P4HA1: variants seen among roughly 807,000 people sequenced by gnomAD.
The protein encoded by P4HA1 is prolyl 4-hydroxylase subunit alpha 1.
A neutral mutation model predicts 72.8 loss-of-function variants in P4HA1; 24 were observed. The observed-to-expected ratio is 0.33, with a 90% CI of 0.24 to 0.46. The LOEUF (loss-of-function observed/expected upper bound fraction) is 0.46. Ranked by LOEUF, P4HA1 falls within the 20% of genes least tolerant of loss-of-function variation. The pLI is 1.00. For missense variants in P4HA1, 446 were observed against 640.6 expected (o/e 0.70, Z 3.28); for synonymous variants, 201 against 218.8 (o/e 0.92, Z 0.72).
intron 2 of P4HA1, 171 bp from the exon 3 acceptor site, chr10:73,073,998 A>T (rs1841631155): frequency 1.7e-6 from 1 of 594,824 alleles, no homozygotes. Flanking sequence ...TAAAGCCAAA[A>T]ACTTTTCTAA....
intron 5 of P4HA1, among the ~76,000 whole-genome samples, chr10:73,064,344 A>T (rs1400591251): frequency 6.6e-6 from 1 of 152,048 alleles, no homozygotes; most frequent in Non-Finnish European, 1.5e-5. Context: ...TTGTGGTGGC[A>T]CATGCCTGTA....
At chr10:73,023,246 G>A (rs182273014) in intron 10 of P4HA1, among the ~76,000 whole-genome samples, 17 of 152,314 alleles carry the variant, frequency 1.1e-4, no homozygotes, top group African/African-American at 3.9e-4. Flanking sequence ...CAGCCAGAGA[G>A]AAAGGTCGGG....
At chr10:73,041,179 T>C (rs151315947) in intron 9 of P4HA1, among the ~76,000 whole-genome samples, 57 of 152,268 alleles carry the variant, frequency 3.7e-4, no homozygotes, top group South Asian at 1.4e-3. Flanking sequence ...CCCCAAAATA[T>C]GGCACTGTAG....
chr10:73,058,453 G>A (rs1293031772), intron 5 of P4HA1, among the ~76,000 whole-genome samples: 1 of 152,168 alleles, frequency 6.6e-6, no homozygotes, highest in East Asian at 1.9e-4. Context: ...GACACGCATA[G>A]CATTCTTGCC....
At chr10:73,085,658 C>T (rs549021594) in intron 1 of P4HA1, among the ~76,000 whole-genome samples, 24 of 152,272 alleles carry the variant, frequency 1.6e-4, no homozygotes, top group African/African-American at 4.8e-4. Flanking sequence ...GCTGGGATTA[C>T]AGGAGTGACC....
chr10:73,078,402 A>C (rs185549631), intron 1 of P4HA1, among the ~76,000 whole-genome samples: 1 of 152,254 alleles, frequency 6.6e-6, no homozygotes, highest in Admixed American at 6.5e-5. Flanking sequence ...ACAAGATTTA[A>C]AAATTATCAT....
At chr10:73,095,769 T>G (rs1262275432) in intron 1 of P4HA1, among the ~76,000 whole-genome samples, 1 of 152,144 alleles carries the variant, frequency 6.6e-6, no homozygotes, top group East Asian at 1.9e-4. Context: ...AAGAAAACAG[T>G]GCAAAATTCC....
intron 9 of P4HA1, among the ~76,000 whole-genome samples, chr10:73,031,686 T>G (rs1185788578): frequency 1.3e-5 from 2 of 152,164 alleles, no homozygotes; most frequent in Non-Finnish European, 2.9e-5. Context: ...TACAGGATTT[T>G]TTTTGAGTGA....
intron 13 of P4HA1, 142 bp from the exon 14 acceptor site, chr10:73,010,045 T>G: frequency 1.8e-6 from 1 of 544,474 alleles, no homozygotes; most frequent in Non-Finnish European, 3.3e-6. Flanking sequence ...CTCAGCTCAC[T>G]GCAACCTCCA....
In P4HA1 at chr10:73,008,077, C is replaced by T. The variant is rs985041666; in HGVS notation, c.*145G>A. 5 of 487,232 alleles carry T rather than the reference C, an allele frequency of 1.0e-5. No individual in the cohort carries two copies. The highest frequency in any genetic ancestry group is 1.9e-5 in the Non-Finnish European group (5 of 269,842). 30.2% of individuals were successfully genotyped at this position (487,232 alleles called of 1,614,324 possible). On this transcript the variant is annotated 3_prime_UTR_variant, in exon 15 of 15. Coordinates refer to ENST00000394890, the MANE Select transcript of P4HA1 (RefSeq NM_001017962.3). The stretch of plus-strand genomic sequence containing the variant: ...AAGAACCCACAAAGTAAGCAATTGT[C>T]CACAGATGAAACATGGGATGAGGTT...
intron 5 of P4HA1, among the ~76,000 whole-genome samples, chr10:73,060,466 AG>A (rs757865319): frequency 2.8e-4 from 43 of 152,226 alleles, no homozygotes; most frequent in Non-Finnish European, 4.7e-4. Context: ...CCAGCTACTC[AG>A]AAGGCTGAAG....
In P4HA1 at chr10:73,095,591, C is replaced by G. The variant is rs144205799; in HGVS notation, c.-33+1175G>C. ...TGCTGCCACGTCTTTGCCCCTCCCCCCTTCACGTAGTGGCTATTTCATCCC... is the reference window on the plus strand; with the variant it reads ...TGCTGCCACGTCTTTGCCCCTCCCCGCTTCACGTAGTGGCTATTTCATCCC... On this transcript the variant is annotated intron_variant, in intron 1 of 14. Transcript: ENST00000394890. Among the ~76,000 whole-genome samples the G allele has an allele frequency of 1.1e-3, 167 of 152,040 alleles. 1 individual carries two copies. The East Asian group carries it at 0.021, about 20-fold the overall frequency.
intron 10 of P4HA1, among the ~76,000 whole-genome samples, chr10:73,022,713 T>TTC (rs1840165091): frequency 6.6e-6 from 1 of 152,110 alleles, no homozygotes; most frequent in Admixed American, 6.5e-5. Flanking sequence ...AAGAAGCATG[T>TTC]TCTAAGCCAT....
At chr10:73,089,335 T>G (rs1427775814) in intron 1 of P4HA1, among the ~76,000 whole-genome samples, 1 of 152,194 alleles carries the variant, frequency 6.6e-6, no homozygotes, top group Non-Finnish European at 1.5e-5. Flanking sequence ...CACTAGAGCT[T>G]TTTTGAAGAG....
At chr10:73,019,730 G>GGAAAAA in intron 10 of P4HA1, among the ~76,000 whole-genome samples, 1 of 65,232 alleles carries the variant, frequency 1.5e-5, no homozygotes, top group South Asian at 9.4e-4. Flanking sequence ...CTCTGTCTCA[G>GGAAAAA]AAAAAAAAAA....
At chr10:73,058,969 T>C (rs1589610022) in intron 5 of P4HA1, among the ~76,000 whole-genome samples, 1 of 151,728 alleles carries the variant, frequency 6.6e-6, no homozygotes, top group Non-Finnish European at 1.5e-5. Context: ...GTAGGGATGG[T>C]GTTTCACCAT....
At chr10:73,048,909 C>T (rs962033292) in intron 7 of P4HA1, among the ~76,000 whole-genome samples, 2 of 151,942 alleles carry the variant, frequency 1.3e-5, no homozygotes, top group Non-Finnish European at 2.9e-5. Context: ...CCGAGGCAGG[C>T]GGATCACGAG....
intron 10 of P4HA1, among the ~76,000 whole-genome samples, chr10:73,020,933 G>A (rs1434305403): frequency 3.9e-5 from 6 of 152,108 alleles, no homozygotes; most frequent in Non-Finnish European, 7.4e-5. Flanking sequence ...TCAGGAGTAC[G>A]AGACCAGCCT....
At chr10:73,063,651 C>T in intron 5 of P4HA1, among the ~76,000 whole-genome samples, 1 of 152,156 alleles carries the variant, frequency 6.6e-6, no homozygotes, top group Middle Eastern at 3.2e-3. Context: ...ACATGCAAAA[C>T]ACATAAGATG....
Sources: allele counts gnomAD v4.1 joint callset (sites outside exome capture counted in the v4.1 genomes callset), GRCh38; gene constraint gnomAD v4.1.1; transcripts MANE v1.5; gene names NCBI Gene and HGNC (gene_info 2026-07-23, HGNC 2026-07-21).